Variants in GLIS3 observed in about 807,000 individuals in gnomAD.
GLIS3 encodes the protein zinc finger protein GLIS3.
GLIS3 carries 53 observed loss-of-function variants against 78.6 expected under a neutral mutation model. The ratio of observed to expected loss-of-function variants is 0.67; its 90% CI spans 0.54 to 0.85. The LOEUF (loss-of-function observed/expected upper bound fraction) is 0.85. GLIS3 is among the 40% of genes least tolerant of loss of function. GLIS3 has a pLI of 0.00. For missense variants in GLIS3, 1,703 were observed against 1,231.1 expected (o/e 1.38, Z -5.74); for synonymous variants, 684 against 509.9 (o/e 1.34, Z -4.60).
At chr9:3,919,082 A>T (rs995837742) in intron 6 of GLIS3, among the ~76,000 whole-genome samples, 7 of 152,178 alleles carry the variant, frequency 4.6e-5, no homozygotes, top group Non-Finnish European at 1.0e-4. Context: ...CCCCAACTGG[A>T]TGGTACTGCT....
the GLIS3 span, among the ~76,000 whole-genome samples, chr9:4,354,180 G>C: frequency 4.6e-5 from 7 of 152,126 alleles, no homozygotes; most frequent in Non-Finnish European, 7.4e-5. Context: ...TTTTAAAAAA[G>C]AGTGTTATGC....
chr9:4,221,421 C>G (rs576664068), intron 2 of GLIS3, among the ~76,000 whole-genome samples: 2 of 152,208 alleles, frequency 1.3e-5, no homozygotes, highest in South Asian at 4.2e-4. Flanking sequence ...TTCTTGGAAA[C>G]TTCAAACATG....
chr9:4,361,435 T>TG, the GLIS3 span, among the ~76,000 whole-genome samples: 8 of 152,202 alleles, frequency 5.3e-5, no homozygotes, highest in South Asian at 2.1e-4. Context: ...CCCTTTCCTG[T>TG]GGAACCCAAT....
rs1491032298 is a variant in GLIS3 at position 4,040,293 on chromosome 9, AAC to A, written c.1710+77473_1710+77474del. Among the ~76,000 whole-genome samples the A allele has an allele frequency of 1.0e-3, 153 of 148,084 alleles. No homozygotes were observed. The East Asian group carries it at 0.027, about 26-fold the overall frequency. The stretch of plus-strand genomic sequence containing the variant: ...ACATTTTACTTCACAAGGTAAAAAA[AAC>A]AAAAAACAAAAAACCTGCTACATTG... On this transcript the variant is annotated intron_variant, in intron 4 of 10. Transcript: ENST00000381971.
chr9:4,251,215 CT>C (rs1824342122), intron 2 of GLIS3, among the ~76,000 whole-genome samples: 2 of 152,164 alleles, frequency 1.3e-5, no homozygotes, highest in Non-Finnish European at 2.9e-5. Flanking sequence ...CTGTTATAGT[CT>C]CCCACTACTA....
the GLIS3 span, among the ~76,000 whole-genome samples, chr9:4,408,349 A>G: frequency 1.3e-5 from 2 of 151,614 alleles, no homozygotes; most frequent in African/African-American, 4.8e-5. Context: ...AAGAGCCAAG[A>G]TTTGGACTGT....
chr9:4,459,830 C>T, the GLIS3 span, among the ~76,000 whole-genome samples: 17 of 151,968 alleles, frequency 1.1e-4, no homozygotes, highest in African/African-American at 4.1e-4. Flanking sequence ...AAAGAAAAAG[C>T]GGGAGAAAAA....
chr9:4,040,432 C>G (rs371092365), intron 4 of GLIS3, among the ~76,000 whole-genome samples: 3 of 152,166 alleles, frequency 2.0e-5, no homozygotes, highest in East Asian at 3.9e-4. Context: ...CAATAACAAA[C>G]TATTACAGCG....
chr9:4,069,152 T>C (rs1827372657), intron 4 of GLIS3, among the ~76,000 whole-genome samples: 1 of 152,168 alleles, frequency 6.6e-6, no homozygotes, highest in Non-Finnish European at 1.5e-5. Context: ...GTTGAATATG[T>C]AGGAACCTGC....
chr9:4,004,408 C>T (rs1374771706), intron 4 of GLIS3, among the ~76,000 whole-genome samples: 1 of 152,004 alleles, frequency 6.6e-6, no homozygotes, highest in African/African-American at 2.4e-5. Flanking sequence ...TCTACAAATA[C>T]CAAAAAAATG....
At chr9:4,288,541 A>G (rs1828190239) in intron 1 of GLIS3, among the ~76,000 whole-genome samples, 1 of 152,212 alleles carries the variant, frequency 6.6e-6, no homozygotes, top group South Asian at 2.1e-4. Flanking sequence ...TCTCATCAAA[A>G]AATCTGGATA....
the GLIS3 span, among the ~76,000 whole-genome samples, chr9:4,372,583 G>A: frequency 1.5e-4 from 23 of 150,012 alleles, no homozygotes; most frequent in Non-Finnish European, 2.7e-4. Flanking sequence ...ATCACACAGC[G>A]CGTGCACCTA....
At chr9:4,015,888 CAAAAAAAAAAA>C (rs1049791263) in intron 4 of GLIS3, among the ~76,000 whole-genome samples, 1 of 32,250 alleles carries the variant, frequency 3.1e-5, no homozygotes, top group Non-Finnish European at 7.0e-5. Flanking sequence ...GACTCTGTCT[CAAAAAAAAAAA>C]AAAAAAAAAA....
chr9:4,338,384 ACACATACACACACACACACACACAC>A (rs1817785838), intron 2 of GLIS3, among the ~76,000 whole-genome samples: 1 of 125,628 alleles, frequency 8.0e-6, no homozygotes, highest in African/African-American at 3.3e-5. Flanking sequence ...ACACACACAC[ACACATACACACACACACACACACAC>A]AATTTTTTAA....
chr9:4,397,424 A>G, the GLIS3 span, among the ~76,000 whole-genome samples: 7 of 151,876 alleles, frequency 4.6e-5, no homozygotes, highest in South Asian at 2.1e-4. Context: ...CTTTGCTTCA[A>G]TTACTGATTT....
At chr9:4,290,200 A>G (rs1035370590) in intron 1 of GLIS3, among the ~76,000 whole-genome samples, 2 of 152,126 alleles carry the variant, frequency 1.3e-5, no homozygotes, top group African/African-American at 2.4e-5. Context: ...ATTAATTTTC[A>G]TACATCATTT....
chr9:4,385,049 T>C, the GLIS3 span, among the ~76,000 whole-genome samples: 22 of 152,284 alleles, frequency 1.4e-4, 1 homozygote, highest in Middle Eastern at 3.4e-3. Context: ...TGTAAAACAA[T>C]AGTGGAGCAA....
intron 2 of GLIS3, among the ~76,000 whole-genome samples, chr9:4,202,332 T>G (rs547917304): frequency 6.6e-6 from 1 of 151,304 alleles, no homozygotes; most frequent in South Asian, 2.1e-4. Context: ...TTTGTATTTT[T>G]AGTAGAGACA....
At chr9:4,235,160 G>T (rs951557294) in intron 2 of GLIS3, among the ~76,000 whole-genome samples, 3 of 152,046 alleles carry the variant, frequency 2.0e-5, no homozygotes, top group African/African-American at 4.8e-5. Flanking sequence ...ATCGCTGGGC[G>T]TGGTGGCACC....
Sources: gnomAD v4.1 joint callset for allele counts (sites outside exome capture counted in the v4.1 genomes callset) on GRCh38, gnomAD v4.1.1 for gene constraint, MANE v1.5 for transcripts, NCBI Gene and HGNC (gene_info 2026-07-23, HGNC 2026-07-21) for gene names.